TAFA4: variants seen among roughly 807,000 people sequenced by gnomAD.
TAFA4 encodes the protein TAFA chemokine like family member 4, also known as chemokine-like protein TAFA-4.
Under a neutral mutation model 21.1 loss-of-function variants are expected in TAFA4, and 20 were observed. The ratio of observed to expected loss-of-function variants is 0.95; its 90% CI spans 0.67 to 1.38. The LOEUF is 1.38. Ranked by LOEUF, TAFA4 falls within the 40% of genes most tolerant of loss-of-function variation. The pLI, the probability that TAFA4 is intolerant of heterozygous loss-of-function variation, is 0.00. For synonymous variants in TAFA4, 71 were observed against 67.4 expected, an observed-to-expected ratio of 1.05 and a Z score of -0.26; for missense variants, 211 against 180.9, an observed-to-expected ratio of 1.17 and a Z score of -0.95.
At chr3:68,793,817 T>C (rs948802816) in intron 3 of TAFA4, among the ~76,000 whole-genome samples, 5 of 152,166 alleles carry the variant, frequency 3.3e-5, no homozygotes, top group African/African-American at 4.8e-5. Context: ...AGAGATAAAG[T>C]GCAATTCAGA....
chr3:68,772,472 C>A (rs546973940), intron 3 of TAFA4, among the ~76,000 whole-genome samples: 1 of 152,262 alleles, frequency 6.6e-6, no homozygotes, highest in African/African-American at 2.4e-5. Flanking sequence ...AAGGTGAATT[C>A]TCTCCCTCAC....
chr3:68,884,126 T>C (rs1053496222), intron 2 of TAFA4, among the ~76,000 whole-genome samples: 4 of 152,104 alleles, frequency 2.6e-5, no homozygotes, highest in Non-Finnish European at 5.9e-5. Flanking sequence ...AAACAAAAGT[T>C]TATTTTAAAT....
At chr3:68,806,363 GTT>G (rs888179746) in intron 3 of TAFA4, among the ~76,000 whole-genome samples, 7 of 152,112 alleles carry the variant, frequency 4.6e-5, no homozygotes, top group African/African-American at 1.7e-4. Context: ...CAAGAAAAAT[GTT>G]TTAATTCAAA....
intron 3 of TAFA4, among the ~76,000 whole-genome samples, chr3:68,789,929 A>G (rs981015527): frequency 5.3e-5 from 8 of 152,366 alleles, no homozygotes; most frequent in African/African-American, 1.9e-4. Flanking sequence ...ATGCTAAAGG[A>G]TATTCTTCAG....
At chr3:68,768,689 TAA>T (rs1475453721) in intron 3 of TAFA4, among the ~76,000 whole-genome samples, 1 of 152,182 alleles carries the variant, frequency 6.6e-6, no homozygotes, top group Non-Finnish European at 1.5e-5. Flanking sequence ...GAAATCAACC[TAA>T]GTGTCCATCA....
At chr3:68,738,991 T>C in intron 5 of TAFA4, 84 bp downstream of exon 5, 1 of 1,569,080 alleles carries the variant, frequency 6.4e-7, no homozygotes, top group Non-Finnish European at 8.6e-7. Context: ...TAATAATGTG[T>C]TCTTGATGGC....
chr3:68,761,413 A>G (rs1032536604), intron 3 of TAFA4, among the ~76,000 whole-genome samples: 8 of 152,230 alleles, frequency 5.3e-5, no homozygotes, highest in Admixed American at 2.6e-4. Context: ...AGAAAGGTGC[A>G]ATTTAAAATA....
intron 3 of TAFA4, among the ~76,000 whole-genome samples, chr3:68,789,487 C>G (rs1703323929): frequency 6.6e-6 from 1 of 152,102 alleles, no homozygotes; most frequent in African/African-American, 2.4e-5. Context: ...CTGCGGTAAT[C>G]ATTTCACAAT....
intron 3 of TAFA4, among the ~76,000 whole-genome samples, chr3:68,755,022 T>C (rs192248004): frequency 3.9e-5 from 6 of 152,200 alleles, no homozygotes; most frequent in Non-Finnish European, 8.8e-5. Context: ...CGAATCTCAA[T>C]GTGTAGGTTT....
At chr3:68,900,753 G>T (rs1296712836) in intron 1 of TAFA4, among the ~76,000 whole-genome samples, 2 of 152,090 alleles carry the variant, frequency 1.3e-5, no homozygotes, top group Non-Finnish European at 2.9e-5. Flanking sequence ...TCAATGAATG[G>T]ATTTGAACAC....
At chr3:68,779,019 T>C (rs1193461235) in intron 3 of TAFA4, among the ~76,000 whole-genome samples, 1 of 152,194 alleles carries the variant, frequency 6.6e-6, no homozygotes, top group Non-Finnish European at 1.5e-5. Flanking sequence ...ATAAGGACAA[T>C]AAAGTCCAGG....
chr3:68,873,535 A>G (rs890795806), intron 3 of TAFA4, among the ~76,000 whole-genome samples: 4 of 152,146 alleles, frequency 2.6e-5, no homozygotes, highest in Non-Finnish European at 5.9e-5. Flanking sequence ...TTAGCCGGCA[A>G]CAGCTCAAAC....
intron 1 of TAFA4, among the ~76,000 whole-genome samples, chr3:68,890,902 G>C (rs78240825): frequency 0.026 from 3,989 of 152,264 alleles, 88 homozygotes; most frequent in Non-Finnish European, 0.033. Flanking sequence ...TGCCTATGAT[G>C]GTTTACATTA....
chr3:68,816,274 C>A (rs1703972624), intron 3 of TAFA4, among the ~76,000 whole-genome samples: 1 of 152,056 alleles, frequency 6.6e-6, no homozygotes, highest in Non-Finnish European at 1.5e-5. Flanking sequence ...ATGTAACAAA[C>A]CTGCACGTTG....
chr3:68,849,103 TTTTC>T (rs1223866498), intron 3 of TAFA4, among the ~76,000 whole-genome samples: 9 of 152,298 alleles, frequency 5.9e-5, no homozygotes, highest in Non-Finnish European at 1.0e-4. Context: ...CATGATATAT[TTTTC>T]TTTGTCTCTT....
At chr3:68,894,646 A>G (rs1294697896) in intron 1 of TAFA4, among the ~76,000 whole-genome samples, 1 of 152,182 alleles carries the variant, frequency 6.6e-6, no homozygotes, top group East Asian at 1.9e-4. Flanking sequence ...AAAAACACAC[A>G]AGGAGCAGCC....
At chr3:68,892,563 G>A (rs2089741064) in intron 1 of TAFA4, among the ~76,000 whole-genome samples, 1 of 152,086 alleles carries the variant, frequency 6.6e-6, no homozygotes, top group Non-Finnish European at 1.5e-5. Context: ...CTGTACATAT[G>A]CCCATAAATA....
chr3:68,828,646 A>T (rs1455858455), intron 3 of TAFA4, among the ~76,000 whole-genome samples: 1 of 152,128 alleles, frequency 6.6e-6, no homozygotes, highest in Non-Finnish European at 1.5e-5. Flanking sequence ...GCAATTGTGA[A>T]TGGGAGTTCA....
intron 3 of TAFA4, among the ~76,000 whole-genome samples, chr3:68,797,612 CAAAAA>C (rs71112671): frequency 2.6e-5 from 2 of 75,946 alleles, no homozygotes; most frequent in African/African-American, 5.4e-5. Flanking sequence ...GACTCCATCT[CAAAAA>C]AAAAAAAAAA....
Sources: allele counts gnomAD v4.1 joint callset (sites outside exome capture counted in the v4.1 genomes callset), GRCh38; gene constraint gnomAD v4.1.1; transcripts MANE v1.5; gene names NCBI Gene and HGNC (gene_info 2026-07-23, HGNC 2026-07-21).